MYO1C: variants seen among roughly 807,000 people sequenced by gnomAD.
MYO1C encodes the protein myosin IC, also known as unconventional myosin-Ic.
MYO1C carries 104 observed loss-of-function variants against 150.8 expected under a neutral mutation model. The observed-to-expected ratio is 0.69, with a 90% confidence interval of 0.59 to 0.81. The LOEUF is 0.81. Among genes scored for constraint, MYO1C ranks in the 30% least tolerant of loss-of-function variants. The probability of loss-of-function intolerance (pLI) is 0.00; values close to 1 mark genes in which losing one functional copy is unlikely to be tolerated. For synonymous variants in MYO1C, 663 were observed against 579.9 expected (o/e 1.14, Z -2.06); for missense variants, 1,504 against 1,435.0 (o/e 1.05, Z -0.78).
chr17:1,485,564 A>C, intron 1 of MYO1C: 1 of 714,234 alleles, frequency 1.4e-6, no homozygotes, highest in Non-Finnish European at 1.8e-6. Flanking sequence ...CTCCCCCTGC[A>C]ACTTCCCGGG....
rs377083801 is a variant in MYO1C, at chr17:1,478,518, G to A, written c.1213-26C>T. ...CTAGGGCAGTCATTCAACCGAAGGC[G>A]TGGGCCCCCTGCGCGTGCCAGCCCC... On this transcript the variant is annotated intron_variant, in intron 10 of 31. Transcript: ENST00000648651. The surrounding 1 kb of genome is among the most constrained non-coding windows in gnomAD (Gnocchi z 6.3). 1.9e-5 allele frequency: 31 copies of A among 1,613,778 alleles called. No individual in the cohort carries two copies. Among genetic ancestry groups the A allele is most frequent in the Middle Eastern group, 3.3e-4 (2 of 6,082 alleles).
At position 1,468,085 on chromosome 17, in the gene MYO1C, G is replaced by A. The variant is rs1427662378; in HGVS notation, c.2799C>T (p.Tyr933=). The change falls in exon 28 of 32, where the codon TAC becomes TAT. Residue 933 remains tyrosine, a synonymous_variant. Transcript: ENST00000648651. ...GCAGCAGCTGCCGGGAGCGAGGCTT[G>A]TAGCCCTTGCGGTCGTATTTCACAA... ...VPVVKYDRKG[Y]KPRSRQLLLT... 2 of 1,613,532 alleles carry A rather than the reference G, an allele frequency of 1.2e-6. No homozygotes were observed. The highest frequency in any genetic ancestry group is 3.3e-5 in the Admixed American group (2 of 59,958).
intron 17 of MYO1C, among the ~76,000 whole-genome samples, chr17:1,473,142 G>A (rs984990376): frequency 6.6e-6 from 1 of 152,254 alleles, no homozygotes; most frequent in African/African-American, 2.4e-5. Flanking sequence ...AGAGGTTGCA[G>A]TGAGCCGAGA....
Position 1,479,675 on chromosome 17 carries a change from G to A in MYO1C, c.937C>T (p.His313Tyr), listed in dbSNP as rs756632045. The change falls in exon 8 of 32, where the codon CAT becomes TAT. Residue 313 changes from histidine to tyrosine, a missense_variant. By Grantham distance (83) the His-to-Tyr change is moderately conservative. Transcript: ENST00000648651. This position sits in a 1 kb window ranked among gnomAD's most constrained non-coding sequence, Gnocchi z 4.2. ...GCAGCAAAGTGGATGTTGCCCAAAT[G>A]AAGGACGCTGGCCACGATGCTCAGC... ...DLLSIVASVLHLGNIHFAANE... is the reference protein window; with the variant it reads ...DLLSIVASVLYLGNIHFAANE... 1 of 1,613,310 alleles carries A rather than the reference G, an allele frequency of 6.2e-7. No individual in the cohort carries two copies. Among genetic ancestry groups the A allele is most frequent in the Non-Finnish European group, 8.5e-7 (1 of 1,179,752 alleles).
intron 31 of MYO1C, among the ~76,000 whole-genome samples, chr17:1,466,581 G>A (rs530603510): frequency 2.0e-5 from 3 of 151,020 alleles, no homozygotes; most frequent in East Asian, 2.0e-4. Flanking sequence ...ACTTGCCTTC[G>A]CCTCCCAAAG....
At chr17:1,472,058 G>GGC in intron 18 of MYO1C, 34 bp from the exon 19 acceptor site, 4 of 1,607,870 alleles carry the variant, frequency 2.5e-6, no homozygotes, top group Non-Finnish European at 3.4e-6. Flanking sequence ...TCAGCGGGCT[G>GGC]GCGCTGACGG....
chr17:1,480,774 C>A lies in MYO1C; in HGVS notation c.739G>T (p.Gly247Cys). Residue 247 changes from glycine to cysteine, a missense_variant, in exon 6 of 32, where the codon GGC (glycine) becomes TGC (cysteine). Transcript: ENST00000648651. ...AGCCTGCGAAGAGTCTCCTCCTCGC[C>A]CCCCTCCAGCAGCTGGTAGAAGATG... ...FHIFYQLLEG[G>C]EEETLRRLGL... The A allele has an allele frequency of 6.2e-7, 1 of 1,614,118 alleles. No homozygotes were observed. The highest frequency in any genetic ancestry group is 1.1e-5 in the South Asian group (1 of 91,086).
chr17:1,479,550 G>A lies in MYO1C; in HGVS notation c.1020+42C>T, dbSNP rs113932235. On this transcript the variant is annotated intron_variant, in intron 8 of 31. Transcript: ENST00000648651. The surrounding 1 kb of genome is among the most constrained non-coding windows in gnomAD (Gnocchi z 4.2). ...CGGTGAGGGTGCACCCCCAGCCCCCGCCCCCGCCGTCCTCCCGTCGCCCTC... is the reference window on the plus strand; with the variant it reads ...CGGTGAGGGTGCACCCCCAGCCCCCACCCCCGCCGTCCTCCCGTCGCCCTC... 9.4e-5 allele frequency: 59 copies of A among 626,408 alleles called. No individual in the cohort carries two copies. Among genetic ancestry groups the A allele is most frequent in the African/African-American group, 4.5e-4 (23 of 51,004 alleles). The allele number at this position is 626,408 out of a possible 1,614,324, so 38.8% of individuals were successfully genotyped here.
Position 1,477,502 on chromosome 17 carries a change from C to T in MYO1C, c.1574+3G>A. The T allele has an allele frequency of 6.2e-7, 1 of 1,613,554 alleles. No individual in the cohort carries two copies. The highest frequency in any genetic ancestry group is 8.5e-7 in the Non-Finnish European group (1 of 1,179,896). On this transcript the variant is annotated splice_donor_region_variant and intron_variant, in intron 14 of 31. Coordinates refer to ENST00000648651, the MANE Select transcript of MYO1C (RefSeq NM_001080779.2). ...CCCCCAGCAGCCCCGCAGCCCCACT[C>T]ACGTCAGGAAGTGTGGATGGTGCTT...
chr17:1,475,840 G>C (rs1377888039), intron 14 of MYO1C, among the ~76,000 whole-genome samples: 1 of 152,244 alleles, frequency 6.6e-6, no homozygotes, highest in Non-Finnish European at 1.5e-5. Context: ...CTGGGTGAGA[G>C]AGGGGAGTAT....
rs756176798 is a variant in MYO1C at position 1,470,328 on chromosome 17, G to T, written c.2373C>A (p.Ile791=). The T allele has an allele frequency of 3.9e-6, 6 of 1,525,692 alleles. No individual in the cohort carries two copies. The Admixed American group carries it at 1.2e-4, about 30-fold the overall frequency. 94.5% of individuals were successfully genotyped at this position (1,525,692 alleles called of 1,614,324 possible). The change falls in exon 24 of 32, where the codon ATC becomes ATA. Residue 791 remains isoleucine (I), a synonymous_variant. Coordinates refer to ENST00000648651, the MANE Select transcript of MYO1C (RefSeq NM_001080779.2). ...GGGCGTGGCGCAGGACGAAGCCTCGGATGAGCCTGGGGTGGGGGGCCAGAC... is the reference window on the plus strand; with the variant it reads ...GGGCGTGGCGCAGGACGAAGCCTCGTATGAGCCTGGGGTGGGGGGCCAGAC... ...KWAAQTIRRL[I]RGFVLRHAPR...
chr17:1,479,149 C>T lies in MYO1C; in HGVS notation c.1092+282G>A, dbSNP rs2074461125. Among the ~76,000 whole-genome samples, 1 of 152,184 alleles carries T rather than the reference C, an allele frequency of 6.6e-6. No homozygotes were observed. The highest frequency in any genetic ancestry group is 2.4e-5 in the African/African-American group (1 of 41,442). ...AGCTGGGATTACAGGCGCCCGCCAC[C>T]ATGCCCGGCTAATTTTTGTATTCTT... is the stretch of plus-strand genomic sequence containing the variant. On this transcript the variant is annotated intron_variant, in intron 9 of 31. Transcript: ENST00000648651. The surrounding 1 kb of genome is among the most constrained non-coding windows in gnomAD (Gnocchi z 4.2).
chr17:1,485,474 C>CG (rs1567535416), intron 1 of MYO1C: 9 of 655,004 alleles, frequency 1.4e-5, no homozygotes. Context: ...CAGGGGTCTC[C>CG]GCGTTCTCAG....
At chr17:1,485,341 G>A in intron 1 of MYO1C, 1 of 1,113,770 alleles carries the variant, frequency 9.0e-7, no homozygotes. Flanking sequence ...CTCTGACCAC[G>A]AAAGGCCCAG....
intron 25 of MYO1C, chr17:1,469,210 C>T: frequency 2.5e-6 from 1 of 402,248 alleles, no homozygotes; most frequent in South Asian, 2.1e-5. Flanking sequence ...ATATGGTAGG[C>T]AGGGCAAAAT....
rs151034773 is a variant in MYO1C at position 1,470,751 on chromosome 17, C to T, written c.2213-62G>A. The T allele has an allele frequency of 4.3e-3, 6,462 of 1,516,098 alleles. 26 individuals are homozygous for T. Among genetic ancestry groups the T allele is most frequent in the Admixed American group, 6.3e-3 (356 of 56,176 alleles). The allele number at this position is 1,516,098 out of a possible 1,614,324, so 93.9% of individuals were successfully genotyped here. The stretch of plus-strand genomic sequence containing the variant: ...GGGGAGCCAGCTGGGAGCCTGGTGC[C>T]GTGTGCGCTCCACGAGTGGCATGAA... On this transcript the variant is annotated intron_variant, in intron 21 of 31. Coordinates refer to ENST00000648651, the MANE Select transcript of MYO1C (RefSeq NM_001080779.2).
At position 1,472,186 on chromosome 17, in the gene MYO1C, T is replaced by A; in HGVS notation, c.1840A>T (p.Ile614Phe). The change falls in exon 18 of 32, where the codon ATC becomes TTC. Residue 614 changes from isoleucine to phenylalanine, a missense_variant. Physicochemically the swap from Ile to Phe is conservative, Grantham distance 21 (BLOSUM62 0). Transcript: ENST00000648651. Reference sequence around the variant, plus strand: ...TAGGCGGGCTCCTTAGACTGCAGGATCTCCACCAGCTGCAGGAGGCTCATC... The same window carrying A: ...TAGGCGGGCTCCTTAGACTGCAGGAACTCCACCAGCTGCAGGAGGCTCATC... ...FKMSLLQLVE[I>F]LQSKEPAYVR... 1.2e-6 allele frequency: 2 copies of A among 1,614,024 alleles called. No individual in the cohort carries two copies. The highest frequency in any genetic ancestry group is 1.7e-6 in the Non-Finnish European group (2 of 1,179,976).
At chr17:1,467,194 C>T in intron 31 of MYO1C, 48 bp downstream of exon 31, 2 of 1,546,226 alleles carry the variant, frequency 1.3e-6, no homozygotes, top group South Asian at 2.3e-5. Context: ...CCAAGGAAGG[C>T]TTGGCTATCA....
In MYO1C at chr17:1,484,481, G is replaced by T; in HGVS notation, c.76-178C>A. ...GCTGAGGGCCTGGGTGTGGTGGGCC[G>T]GGTGCGGAAAGCCGGGTGTGGAGGG... is the stretch of plus-strand genomic sequence containing the variant. On this transcript the variant is annotated intron_variant, in intron 1 of 31. Transcript: ENST00000648651. 8.2e-6 allele frequency: 6 copies of T among 728,090 alleles called. No homozygotes were observed. In the East Asian group the frequency reaches 1.1e-4, roughly 13 times the overall value. 45.1% of individuals were successfully genotyped at this position (728,090 alleles called of 1,614,324 possible). A position where few individuals can be genotyped will look rare whatever the true frequency, so the allele number is the denominator to read the frequency against.
Sources: allele counts gnomAD v4.1 joint callset (sites outside exome capture counted in the v4.1 genomes callset), GRCh38; gene constraint gnomAD v4.1.1; non-coding constraint Gnocchi (gnomAD v3.1); transcripts MANE v1.5; gene names NCBI Gene and HGNC (gene_info 2026-07-23, HGNC 2026-07-21).